Variants in TRIML2 observed in about 807,000 individuals in gnomAD.
TRIML2 encodes the protein tripartite motif family like 2, also known as probable E3 ubiquitin-protein ligase TRIML2.
A neutral mutation model predicts 31.2 loss-of-function variants in TRIML2; 28 were observed. The ratio of observed to expected loss-of-function variants is 0.90; its 90% CI spans 0.66 to 1.23. TRIML2 has a LOEUF of 1.23. Among genes scored for constraint, TRIML2 ranks in the 50% most tolerant of loss-of-function variants. TRIML2 has a pLI of 0.00. For synonymous variants in TRIML2, 187 were observed against 197.5 expected, an observed-to-expected ratio of 0.95 and a Z score of 0.45; for missense variants, 536 against 528.3, an observed-to-expected ratio of 1.01 and a Z score of -0.14.
At chr4:188,108,255 C>G (rs764312039) in intron 1 of TRIML2, among the ~76,000 whole-genome samples, 2 of 152,208 alleles carry the variant, frequency 1.3e-5, no homozygotes, top group East Asian at 3.9e-4. Context: ...AAGTTCCATT[C>G]TCCGATTTCA....
intron 7 of TRIML2, among the ~76,000 whole-genome samples, chr4:188,096,215 A>G (rs548269178): frequency 1.1e-4 from 16 of 152,000 alleles, no homozygotes; most frequent in Admixed American, 7.2e-4. Context: ...CCTGACCAAC[A>G]TGGTAAGACC....
intron 3 of TRIML2, among the ~76,000 whole-genome samples, chr4:188,103,073 C>T (rs1457962323): frequency 7.3e-6 from 1 of 137,298 alleles, no homozygotes; most frequent in Non-Finnish European, 1.5e-5. Flanking sequence ...AGTGCAGTGG[C>T]GCCATCTCGG....
At chr4:188,099,886 A>C (rs1422246211) in intron 4 of TRIML2, among the ~76,000 whole-genome samples, 1 of 152,228 alleles carries the variant, frequency 6.6e-6, no homozygotes, top group South Asian at 2.1e-4. Context: ...TAAGAAATAA[A>C]TAATTACGTT....
At chr4:188,102,124 C>T (rs1413962810) in intron 3 of TRIML2, among the ~76,000 whole-genome samples, 1 of 135,998 alleles carries the variant, frequency 7.4e-6, no homozygotes, top group East Asian at 2.8e-4. Flanking sequence ...AGGGAGACTC[C>T]ATCTTAAAAA....
At chr4:188,096,581 C>T (rs531382712) in intron 7 of TRIML2, among the ~76,000 whole-genome samples, 34 of 137,990 alleles carry the variant, frequency 2.5e-4, no homozygotes, top group African/African-American at 8.6e-4. Flanking sequence ...GAAGAGCTTT[C>T]ATATGAGATC....
At chr4:188,094,115 C>T (rs1329292613) in intron 7 of TRIML2, among the ~76,000 whole-genome samples, 1 of 144,274 alleles carries the variant, frequency 6.9e-6, no homozygotes, top group African/African-American at 2.7e-5. Flanking sequence ...AAAACAAAAA[C>T]AAAAACAAAA....
intron 3 of TRIML2, among the ~76,000 whole-genome samples, chr4:188,103,011 T>TTA (rs1232534989): frequency 7.4e-6 from 1 of 134,542 alleles, no homozygotes; most frequent in Non-Finnish European, 1.6e-5. Context: ...CTTGGTTTTT[T>TTA]TTTTTTTTTT....
At position 188,091,770 on chromosome 4, in the gene TRIML2, C is replaced by G. The variant is rs765314855; in HGVS notation, c.917G>C (p.Trp306Ser). The G allele has an allele frequency of 6.2e-7, 1 of 1,614,132 alleles. No homozygotes were observed. The highest frequency in any genetic ancestry group is 8.5e-7 in the Non-Finnish European group (1 of 1,180,032). The stretch of plus-strand genomic sequence containing the variant: ...GGTTGCCTTTTCCACGTCCACCTCC[C>G]AGTAGTGCCTCCCTGAGGTGAAGCT... The part of the protein sequence containing the change: ...AESFTSGRHY[W>S]EVDVEKATRW... The change falls in exon 8 of 8, where the codon TGG (tryptophan) becomes TCG (serine). Residue 306 changes from tryptophan to serine, a missense_variant. Coordinates refer to ENST00000682553, the MANE Select transcript of TRIML2 (RefSeq NM_173553.4).
At chr4:188,098,826 A>C in intron 5 of TRIML2, 1 of 546,042 alleles carries the variant, frequency 1.8e-6, no homozygotes, top group Non-Finnish European at 3.2e-6. Flanking sequence ...TTAAGGTGAG[A>C]ATTCATCTCA....
At position 188,091,864 on chromosome 4, in the gene TRIML2, G is replaced by C; in HGVS notation, c.823C>G (p.His275Asp). ...SEDLRTMRLR[H>D]GQQDGAGNPE... ...TTGCCAGCCCCATCCTGCTGCCCAT[G>C]TCTCAATCTCATAGTTCTCAGGTCC... Residue 275 changes from histidine to aspartate, a missense_variant, in exon 8 of 8, where the codon CAT (histidine) becomes GAT (aspartate). By Grantham distance (81) the His-to-Asp change is moderately conservative. Transcript: ENST00000682553. 1 of 1,614,104 alleles carries C rather than the reference G, an allele frequency of 6.2e-7. No individual in the cohort carries two copies.
At chr4:188,104,988 C>T (rs992093223) in intron 2 of TRIML2, 56 bp from the exon 3 acceptor site, 6 of 1,528,144 alleles carry the variant, frequency 3.9e-6, no homozygotes, top group Non-Finnish European at 4.5e-6. Flanking sequence ...CAGTTGGATT[C>T]CTGACCTTAA....
chr4:188,096,991 A>C, intron 7 of TRIML2, 70 bp downstream of exon 7: 1 of 1,158,686 alleles, frequency 8.6e-7, no homozygotes, highest in Non-Finnish European at 1.3e-6. Flanking sequence ...GTTTTCATTT[A>C]TGGCAGGATG....
chr4:188,098,904 T>C (rs1733645550), intron 5 of TRIML2, 131 bp downstream of exon 5: 8 of 1,070,756 alleles, frequency 7.5e-6, no homozygotes, highest in Non-Finnish European at 1.1e-5. Flanking sequence ...TGAAAGAAAG[T>C]CATGTAGCCT....
intron 7 of TRIML2, among the ~76,000 whole-genome samples, 177 bp from the exon 8 acceptor site, chr4:188,092,118 A>T (rs957032207): frequency 1.3e-5 from 2 of 152,202 alleles, no homozygotes; most frequent in South Asian, 4.1e-4. Context: ...TATGGACCTC[A>T]TGGAGGAAAA....
chr4:188,095,175 C>T (rs536220415), intron 7 of TRIML2, among the ~76,000 whole-genome samples: 1 of 152,032 alleles, frequency 6.6e-6, no homozygotes, highest in African/African-American at 2.4e-5. Context: ...AATGTAAAAC[C>T]GAAAACCATA....
rs754291662 is a variant in TRIML2 at position 188,091,335 on chromosome 4, T to C, written c.*38A>G. The C allele has an allele frequency of 6.4e-6, 10 of 1,567,950 alleles. No individual in the cohort carries two copies. The East Asian group carries it at 1.4e-4, about 21-fold the overall frequency. On this transcript the variant is annotated 3_prime_UTR_variant, in exon 8 of 8. Coordinates refer to ENST00000682553, the MANE Select transcript of TRIML2 (RefSeq NM_173553.4). ...CTTTCAAAGTCTTGTTCTCCAACTT[T>C]CTGGTGTCTCGTGGTCTTGGATTTT... is the stretch of plus-strand genomic sequence containing the variant.
chr4:188,098,918 T>A (rs1733646166), intron 5 of TRIML2, 117 bp downstream of exon 5: 1 of 1,202,404 alleles, frequency 8.3e-7, no homozygotes, highest in Admixed American at 2.5e-5. Context: ...GTAGCCTTCT[T>A]TTGTGGTTGA....
rs566742841 is a variant in TRIML2, at chr4:188,101,119, G to C, written c.417C>G (p.Thr139=). ...CAAGCTTGATCGCTTGATTCAGAAG[G>C]GTTTCTCTCAGGTTCAAGTCAGATA... ...ECISDLNLRE[T]LLNQAIKLAT... The change falls in exon 4 of 8, where the codon ACC becomes ACG. Residue 139 remains threonine, a synonymous_variant. Transcript: ENST00000682553. 1.9e-6 allele frequency: 3 copies of C among 1,612,998 alleles called. No homozygotes were observed. The highest frequency in any genetic ancestry group is 1.1e-5 in the South Asian group (1 of 90,918).
intron 1 of TRIML2, among the ~76,000 whole-genome samples, chr4:188,106,244 G>T (rs900678552): frequency 1.3e-5 from 2 of 152,034 alleles, no homozygotes; most frequent in African/African-American, 4.8e-5. Flanking sequence ...GTAGAGACGG[G>T]GTTTCACCGT....
Sources: allele counts gnomAD v4.1 joint callset (sites outside exome capture counted in the v4.1 genomes callset), GRCh38; gene constraint gnomAD v4.1.1; transcripts MANE v1.5; gene names NCBI Gene and HGNC (gene_info 2026-07-23, HGNC 2026-07-21).